The following AIG1 variants were observed in gnomAD, a reference collection of about 807,000 sequenced individuals.
The protein encoded by AIG1 is androgen-induced gene 1 protein.
AIG1 carries 23 observed loss-of-function variants against 31.4 expected under a neutral mutation model. The observed-to-expected ratio is 0.73, with a 90% confidence interval of 0.53 to 1.04. AIG1 has a LOEUF of 1.04. AIG1 is among the 50% of genes least tolerant of loss of function. AIG1 has a pLI of 0.00. For missense variants in AIG1, 274 were observed against 295.0 expected (o/e 0.93, Z 0.52); for synonymous variants, 100 against 110.5 (o/e 0.90, Z 0.60).
At position 143,142,909 on chromosome 6, in the gene AIG1, G is replaced by T. The variant is rs189780557; in HGVS notation, c.297+5919G>T. ...AGTATATTGCTATTGTTTTAAACAA[G>T]TAATTCCCAAAAGTCTTCGTTTGTT... On this transcript the variant is annotated intron_variant, in intron 2 of 5. Transcript: ENST00000357847. 2.0e-5 allele frequency among the ~76,000 whole-genome samples: 3 copies of T among 152,272 alleles called. No homozygotes were observed. The East Asian group carries it at 5.8e-4, about 29-fold the overall frequency.
In AIG1 at chr6:143,252,760, G is replaced by A. The variant is rs544765971; in HGVS notation, c.400-31350G>A. On this transcript the variant is annotated intron_variant, in intron 3 of 5. Coordinates refer to ENST00000357847, the MANE Select transcript of AIG1 (RefSeq NM_016108.4). ...ATCATTTCACGATTTCTGTAGATCA[G>A]GATTTCAGACAGGCCTAGCTAGGTC... 8.7e-4 allele frequency among the ~76,000 whole-genome samples: 133 copies of A among 152,312 alleles called. 1 individual carries two copies. Among genetic ancestry groups the A allele is most frequent in the African/African-American group, 3.2e-3 (132 of 41,564 alleles).
At position 143,284,228 on chromosome 6, in the gene AIG1, A is replaced by G. The variant is rs760858719; in HGVS notation, c.515+3A>G. 3 of 1,600,094 alleles carry G rather than the reference A, an allele frequency of 1.9e-6. No individual in the cohort carries two copies. Among genetic ancestry groups the G allele is most frequent in the Non-Finnish European group, 2.6e-6 (3 of 1,168,048 alleles). ...TTCTCTGTTGGCTATATATTATGGT[A>G]AGGACCATGCCTGCTGGGCTTTCTT... On this transcript the variant is annotated splice_donor_region_variant and intron_variant, in intron 4 of 5. Transcript: ENST00000357847. This position sits in a 1 kb window ranked among gnomAD's most constrained non-coding sequence, Gnocchi z 4.4.
intron 3 of AIG1, among the ~76,000 whole-genome samples, chr6:143,195,179 A>G (rs1298194677): frequency 2.6e-5 from 4 of 152,140 alleles, no homozygotes; most frequent in African/African-American, 4.8e-5. Context: ...TAGGGTGGCT[A>G]TGGTGATTTA....
At chr6:143,269,258 TA>T (rs1419242946) in intron 3 of AIG1, among the ~76,000 whole-genome samples, 1 of 152,114 alleles carries the variant, frequency 6.6e-6, no homozygotes, top group African/African-American at 2.4e-5. Context: ...AAGTTAGAAA[TA>T]AAGCACTGAA....
intron 3 of AIG1, among the ~76,000 whole-genome samples, chr6:143,239,237 GGAATAAAAGA>G (rs1794041191): frequency 6.6e-6 from 1 of 152,082 alleles, no homozygotes; most frequent in Admixed American, 6.6e-5. Flanking sequence ...GGCCCCTGAA[GGAATAAAAGA>G]GGCATTCAGA....
At chr6:143,278,094 G>A (rs1331757967) in intron 3 of AIG1, among the ~76,000 whole-genome samples, 3 of 152,188 alleles carry the variant, frequency 2.0e-5, no homozygotes, top group Non-Finnish European at 4.4e-5. Flanking sequence ...TTCCCCAGGA[G>A]CCAGTCCAGA....
Position 143,326,816 on chromosome 6 carries a change from G to A in AIG1, c.516-6466G>A, listed in dbSNP as rs1464754416. Among the ~76,000 whole-genome samples the A allele has an allele frequency of 2.0e-5, 3 of 152,186 alleles. No homozygotes were observed. The highest frequency in any genetic ancestry group is 7.2e-5 in the African/African-American group (3 of 41,426). On this transcript the variant is annotated intron_variant, in intron 4 of 5. Coordinates refer to ENST00000357847, the MANE Select transcript of AIG1 (RefSeq NM_016108.4). The surrounding 1 kb of genome is among the most constrained non-coding windows in gnomAD (Gnocchi z 4.5). The stretch of plus-strand genomic sequence containing the variant: ...GAATATGTGAAAACCCACATTGCAG[G>A]AGGGAACATGACAAGATCAAGGAAC...
chr6:143,207,680 A>G (rs947880177), intron 3 of AIG1, among the ~76,000 whole-genome samples: 2 of 152,148 alleles, frequency 1.3e-5, no homozygotes, highest in Non-Finnish European at 2.9e-5. Context: ...TTGGTCATAG[A>G]AGGTGAGTTC....
At chr6:143,240,452 T>C (rs1794159484) in intron 3 of AIG1, among the ~76,000 whole-genome samples, 1 of 152,196 alleles carries the variant, frequency 6.6e-6, no homozygotes, top group African/African-American at 2.4e-5. Context: ...ATAGCTGGGA[T>C]TTTCTATAAG....
intron 2 of AIG1, among the ~76,000 whole-genome samples, chr6:143,148,965 T>C (rs1325121167): frequency 6.6e-6 from 1 of 152,060 alleles, no homozygotes; most frequent in African/African-American, 2.4e-5. Flanking sequence ...AGCAATAGGC[T>C]ACACCATCTA....
At chr6:143,313,692 T>C (rs1313938161) in intron 4 of AIG1, among the ~76,000 whole-genome samples, 1 of 151,512 alleles carries the variant, frequency 6.6e-6, no homozygotes, top group East Asian at 1.9e-4. Flanking sequence ...ACTAAAAGAG[T>C]ATAACTGGAA....
chr6:143,147,763 G>A (rs1260633843), intron 2 of AIG1, among the ~76,000 whole-genome samples: 2 of 152,262 alleles, frequency 1.3e-5, no homozygotes, highest in Admixed American at 1.3e-4. Flanking sequence ...GCCTGTGAAT[G>A]AGCAGTTCCA....
intron 1 of AIG1, among the ~76,000 whole-genome samples, chr6:143,113,516 T>C (rs1393736189): frequency 6.7e-6 from 1 of 149,782 alleles, no homozygotes; most frequent in Non-Finnish European, 1.5e-5. Flanking sequence ...GGCAGGTGAA[T>C]CGCTTGAACT....
chr6:143,067,877 G>A (rs1776866955), intron 1 of AIG1, among the ~76,000 whole-genome samples: 1 of 152,070 alleles, frequency 6.6e-6, no homozygotes. Flanking sequence ...TTCTTCAGGA[G>A]ACTCAGACTT....
chr6:143,170,112 A>G (rs538464292), intron 3 of AIG1, among the ~76,000 whole-genome samples: 1 of 152,096 alleles, frequency 6.6e-6, no homozygotes, highest in Non-Finnish European at 1.5e-5. Context: ...AGAATGAGTT[A>G]GGAATAATGC....
Position 143,340,812 on chromosome 6 carries a change from T to G in AIG1, c.*1136T>G, listed in dbSNP as rs1388533347. On this transcript the variant is annotated 3_prime_UTR_variant, in exon 6 of 6. Transcript: ENST00000357847. ...TTTACAAAATCTTTGACCGTAATTA[T>G]TTTTAAGATGAAAAATATGTTATAT... Among the ~76,000 whole-genome samples, 3 of 152,192 alleles carry G rather than the reference T, an allele frequency of 2.0e-5. No homozygotes were observed. The highest frequency in any genetic ancestry group is 4.8e-5 in the African/African-American group (2 of 41,446).
intron 1 of AIG1, among the ~76,000 whole-genome samples, chr6:143,100,146 C>G (rs183636768): frequency 2.8e-3 from 421 of 152,334 alleles, no homozygotes; most frequent in Non-Finnish European, 4.5e-3. Flanking sequence ...ACTGACAGCA[C>G]TGGCTTGGTT....
chr6:143,261,186 C>T (rs1795750047), intron 3 of AIG1, among the ~76,000 whole-genome samples: 1 of 152,144 alleles, frequency 6.6e-6, no homozygotes, highest in Admixed American at 6.5e-5. Context: ...GGCTGGAGTG[C>T]AGCGGCGCGA....
intron 4 of AIG1, among the ~76,000 whole-genome samples, chr6:143,316,352 A>T (rs1312973040): frequency 6.6e-6 from 1 of 152,098 alleles, no homozygotes; most frequent in East Asian, 1.9e-4. Flanking sequence ...TCACTTATGA[A>T]ACTTAGTTTC....
Sources: gnomAD v4.1 joint callset for allele counts (sites outside exome capture counted in the v4.1 genomes callset) on GRCh38, gnomAD v4.1.1 for gene constraint, Gnocchi (gnomAD v3.1) non-coding constraint, MANE v1.5 for transcripts, NCBI Gene and HGNC (gene_info 2026-07-23, HGNC 2026-07-21) for gene names.